The following DGLUCY variants were observed in gnomAD, a reference collection of about 807,000 sequenced individuals.
The protein encoded by DGLUCY is D-glutamate cyclase.
In DGLUCY, 58 loss-of-function variants were observed where a neutral mutation model predicts 58.5. The ratio of observed to expected loss-of-function variants is 0.99; its 90% confidence interval spans 0.80 to 1.23. The LOEUF (loss-of-function observed/expected upper bound fraction) is 1.23. Ranked by LOEUF, DGLUCY falls within the 50% of genes most tolerant of loss-of-function variation. The pLI is 0.00. For synonymous variants in DGLUCY, 325 were observed against 314.1 expected (o/e 1.03, Z -0.37); for missense variants, 779 against 784.7 (o/e 0.99, Z 0.09).
chr14:91,158,416 A>G (rs1377079646), intron 2 of DGLUCY, among the ~76,000 whole-genome samples: 1 of 152,238 alleles, frequency 6.6e-6, no homozygotes, highest in African/African-American at 2.4e-5. Flanking sequence ...TGTTGGCTCT[A>G]AGTACATCTC....
chr14:91,120,646 G>A (rs1386702417), intron 1 of DGLUCY, among the ~76,000 whole-genome samples: 1 of 152,084 alleles, frequency 6.6e-6, no homozygotes, highest in Non-Finnish European at 1.5e-5. Context: ...TCTGTCCTCA[G>A]GTGAGCCACC....
chr14:91,065,938 C>T (rs1418191772), intron 1 of DGLUCY, among the ~76,000 whole-genome samples: 1 of 152,110 alleles, frequency 6.6e-6, no homozygotes, highest in Non-Finnish European at 1.5e-5. Context: ...ACTGCTCCCT[C>T]CTGCCCTGAG....
intron 1 of DGLUCY, among the ~76,000 whole-genome samples, chr14:91,151,265 A>C (rs1376005261): frequency 1.3e-5 from 2 of 152,158 alleles, no homozygotes; most frequent in Non-Finnish European, 2.9e-5. Flanking sequence ...TTTGAGACGG[A>C]GTCTCGCTCT....
intron 1 of DGLUCY, among the ~76,000 whole-genome samples, chr14:91,152,033 C>T (rs995127248): frequency 2.0e-5 from 3 of 152,148 alleles, no homozygotes; most frequent in Non-Finnish European, 2.9e-5. Flanking sequence ...CACCTTGTGG[C>T]TTTAGGACTG....
intron 1 of DGLUCY, among the ~76,000 whole-genome samples, chr14:91,084,704 C>T (rs549409875): frequency 1.4e-4 from 22 of 152,322 alleles, no homozygotes; most frequent in African/African-American, 5.3e-4. Flanking sequence ...TCCACTCCAA[C>T]CAGTGGAATG....
chr14:91,176,602 G>GT (rs1253380848), intron 7 of DGLUCY, among the ~76,000 whole-genome samples: 2 of 151,962 alleles, frequency 1.3e-5, no homozygotes, highest in Admixed American at 6.6e-5. Flanking sequence ...TTTGTCGTTG[G>GT]TTTTTTGGTT....
chr14:91,196,786 T>C (rs1048568661), intron 10 of DGLUCY, among the ~76,000 whole-genome samples: 2 of 146,198 alleles, frequency 1.4e-5, no homozygotes, highest in African/African-American at 5.0e-5. Flanking sequence ...AGTCTCAAAC[T>C]GTGGGTCATG....
At chr14:91,147,178 C>T (rs2047056496) in intron 1 of DGLUCY, among the ~76,000 whole-genome samples, 2 of 152,168 alleles carry the variant, frequency 1.3e-5, no homozygotes, top group African/African-American at 4.8e-5. Context: ...TCAAAAGTAG[C>T]ACTGCCAGCA....
In DGLUCY at chr14:91,173,347, G is replaced by A. The variant is rs142032807; in HGVS notation, c.515G>A (p.Arg172Lys). 6.2e-7 allele frequency: 1 copy of A among 1,613,436 alleles called. No individual in the cohort carries two copies. Among genetic ancestry groups the A allele is most frequent in the African/African-American group, 1.3e-5 (1 of 74,694 alleles). Residue 172 changes from arginine to lysine, a missense_variant, in exon 6 of 14, where the codon AGG (arginine) becomes AAG (lysine). Coordinates refer to ENST00000256324, the MANE Select transcript of DGLUCY (RefSeq NM_001102368.3). Reference sequence around the variant, plus strand: ...TGCTGCCCTCTGGTGGTCACGATGAGGCCCATTCCCAAGGACAAGCTGGAA... The same window carrying A: ...TGCTGCCCTCTGGTGGTCACGATGAAGCCCATTCCCAAGGACAAGCTGGAA... ...GFCCPLVVTM[R>K]PIPKDKLEGL...
At chr14:91,188,858 C>T (rs2049690621) in intron 8 of DGLUCY, 52 bp from the exon 9 acceptor site, 1 of 1,531,572 alleles carries the variant, frequency 6.5e-7, no homozygotes, top group South Asian at 1.2e-5. Flanking sequence ...TACATACATA[C>T]AAATAATTTT....
At chr14:91,172,695 G>A (rs868562618) in intron 5 of DGLUCY, among the ~76,000 whole-genome samples, 9 of 151,470 alleles carry the variant, frequency 5.9e-5, no homozygotes, top group African/African-American at 1.7e-4. Context: ...CACCCAGGCC[G>A]GAGTGCAATG....
At chr14:91,144,179 G>A (rs1177013784) in intron 1 of DGLUCY, among the ~76,000 whole-genome samples, 6 of 152,228 alleles carry the variant, frequency 3.9e-5, no homozygotes. Flanking sequence ...GCTCAGCCGG[G>A]GTGGGAGGGT....
intron 1 of DGLUCY, among the ~76,000 whole-genome samples, chr14:91,149,037 G>A (rs1249700666): frequency 6.6e-6 from 1 of 151,966 alleles, no homozygotes; most frequent in African/African-American, 2.4e-5. Flanking sequence ...CACCTGAGGT[G>A]GGGAGTTTGA....
chr14:91,091,248 C>A (rs1362081338), intron 1 of DGLUCY: 3 of 152,280 alleles, frequency 2.0e-5, no homozygotes, highest in Non-Finnish European at 4.4e-5. Context: ...CGGCCGGACG[C>A]AGTGGCTCAC....
chr14:91,185,610 C>T (rs1457877685), intron 8 of DGLUCY: 2 of 151,644 alleles, frequency 1.3e-5, no homozygotes, highest in African/African-American at 2.4e-5. Context: ...GCCATACCTT[C>T]TCCTTCACAA....
intron 7 of DGLUCY, 73 bp from the exon 8 acceptor site, chr14:91,181,113 A>G (rs183195038): frequency 4.2e-6 from 6 of 1,437,994 alleles, no homozygotes; most frequent in African/African-American, 1.4e-5. Context: ...TTGCCTATCA[A>G]CAGTGGGCTA....
intron 1 of DGLUCY, among the ~76,000 whole-genome samples, chr14:91,137,156 A>G (rs1259201564): frequency 6.7e-6 from 1 of 149,074 alleles, no homozygotes; most frequent in Non-Finnish European, 1.5e-5. Flanking sequence ...TTTTTCCCGT[A>G]GAGACATGGT....
At chr14:91,174,266 G>A (rs2140419039) in intron 6 of DGLUCY, among the ~76,000 whole-genome samples, 1 of 151,938 alleles carries the variant, frequency 6.6e-6, no homozygotes, top group Middle Eastern at 3.4e-3. Flanking sequence ...ATCTCTATCT[G>A]TATCCTTTGC....
intron 1 of DGLUCY, among the ~76,000 whole-genome samples, chr14:91,120,068 G>A (rs1440804168): frequency 2.8e-4 from 43 of 151,994 alleles, no homozygotes; most frequent in Admixed American, 2.8e-3. Flanking sequence ...GCCTATTGTG[G>A]GACTTAACCT....
Sources: gnomAD v4.1 joint callset for allele counts (sites outside exome capture counted in the v4.1 genomes callset) on GRCh38, gnomAD v4.1.1 for gene constraint, MANE v1.5 for transcripts, NCBI Gene and HGNC (gene_info 2026-07-23, HGNC 2026-07-21) for gene names.